FHIT: variants seen among roughly 807,000 people sequenced by gnomAD.
FHIT encodes the protein fragile histidine triad diadenosine triphosphatase, also known as bis(5'-adenosyl)-triphosphatase.
A neutral mutation model predicts 17.9 loss-of-function variants in FHIT; 19 were observed. The observed-to-expected ratio is 1.06, with a 90% CI of 0.74 to 1.56. The LOEUF (loss-of-function observed/expected upper bound fraction) is 1.56. Ranked by LOEUF, FHIT falls within the 40% of genes most tolerant of loss-of-function variation. The pLI, the probability that FHIT is intolerant of heterozygous loss-of-function variation, is 0.00. For synonymous variants in FHIT, 81 were observed against 69.7 expected, an observed-to-expected ratio of 1.16 and a Z score of -0.81; for missense variants, 248 against 189.2, an observed-to-expected ratio of 1.31 and a Z score of -1.82.
At chr3:60,764,247 G>GCACACA (rs58044669) in intron 4 of FHIT, among the ~76,000 whole-genome samples, 4 of 149,846 alleles carry the variant, frequency 2.7e-5, no homozygotes, top group Admixed American at 2.0e-4. Context: ...GTAGGAAAAT[G>GCACACA]CACACACACA....
At chr3:59,952,705 C>A (rs1707180518) in intron 7 of FHIT, among the ~76,000 whole-genome samples, 1 of 152,216 alleles carries the variant, frequency 6.6e-6, no homozygotes, top group Admixed American at 6.5e-5. Flanking sequence ...CAACCTTCAA[C>A]AAATCTGAAA....
rs922294381 is a variant in FHIT, at chr3:60,487,503, G to A, written c.103+49357C>T. ...TACGACACCTGGAAGGCTCATCTCC[G>A]AAGTCACATTCTTTCAAGATGGTTT... On this transcript the variant is annotated intron_variant, in intron 5 of 9. Transcript: ENST00000492590. Among the ~76,000 whole-genome samples the A allele has an allele frequency of 5.9e-5, 9 of 152,274 alleles. No homozygotes were observed. In the East Asian group the frequency reaches 1.4e-3, roughly 23 times the overall value.
intron 2 of FHIT, among the ~76,000 whole-genome samples, chr3:61,112,601 C>A (rs1159497425): frequency 1.3e-5 from 2 of 152,300 alleles, no homozygotes; most frequent in East Asian, 3.9e-4. Context: ...GATTTGCAAG[C>A]AGTTCCTAAT....
intron 5 of FHIT, among the ~76,000 whole-genome samples, chr3:60,125,755 A>G (rs1705517511): frequency 6.6e-6 from 1 of 151,910 alleles, no homozygotes; most frequent in African/African-American, 2.4e-5. Context: ...GAGTAGAGAC[A>G]CTCGGGAGGA....
intron 7 of FHIT, among the ~76,000 whole-genome samples, chr3:59,937,133 T>C (rs1475840984): frequency 1.6e-4 from 24 of 152,230 alleles, no homozygotes; most frequent in Admixed American, 1.6e-3. Context: ...GAAAATTACT[T>C]ACATAATTTT....
intron 8 of FHIT, among the ~76,000 whole-genome samples, chr3:59,908,341 C>T (rs965803473): frequency 6.6e-6 from 1 of 152,196 alleles, no homozygotes; most frequent in Non-Finnish European, 1.5e-5. Flanking sequence ...TCCTGCAGGT[C>T]TTAGCAAAGT....
chr3:60,379,780 T>A (rs910247168), intron 5 of FHIT, among the ~76,000 whole-genome samples: 1 of 152,180 alleles, frequency 6.6e-6, no homozygotes, highest in Non-Finnish European at 1.5e-5. Context: ...ACACCTGGTA[T>A]AGGAAACTCT....
intron 3 of FHIT, among the ~76,000 whole-genome samples, chr3:60,831,857 C>T (rs1267014931): frequency 2.0e-5 from 3 of 151,898 alleles, no homozygotes; most frequent in Non-Finnish European, 2.9e-5. Flanking sequence ...CAGAAACCTC[C>T]TAGGATGATC....
At chr3:59,940,455 T>C (rs1706458519) in intron 7 of FHIT, among the ~76,000 whole-genome samples, 1 of 152,170 alleles carries the variant, frequency 6.6e-6, no homozygotes, top group Admixed American at 6.6e-5. Flanking sequence ...AAAACTAATG[T>C]GGAGTCAATA....
At chr3:59,931,647 C>T (rs750645646) in intron 7 of FHIT, among the ~76,000 whole-genome samples, 4 of 151,000 alleles carry the variant, frequency 2.6e-5, no homozygotes, top group Admixed American at 1.3e-4. Context: ...TGGGAAACTT[C>T]GAGGAAAAAA....
chr3:59,980,282 G>C (rs1475155409), intron 7 of FHIT, among the ~76,000 whole-genome samples: 2 of 152,166 alleles, frequency 1.3e-5, no homozygotes, highest in Admixed American at 6.5e-5. Flanking sequence ...CTTCAGGCCA[G>C]AGGAAGGTGG....
chr3:60,653,858 T>C (rs1451918559), intron 4 of FHIT, among the ~76,000 whole-genome samples: 1 of 152,144 alleles, frequency 6.6e-6, no homozygotes, highest in East Asian at 1.9e-4. Context: ...TTACCTCCCA[T>C]TCACCCTGAT....
chr3:60,900,398 T>C (rs1706058006), intron 3 of FHIT, among the ~76,000 whole-genome samples: 1 of 151,636 alleles, frequency 6.6e-6, no homozygotes, highest in African/African-American at 2.4e-5. Flanking sequence ...GAATAGTCAC[T>C]GTACTCCAGT....
At chr3:60,836,938 T>C (rs1702561547) in intron 3 of FHIT, among the ~76,000 whole-genome samples, 1 of 152,188 alleles carries the variant, frequency 6.6e-6, no homozygotes, top group Admixed American at 6.5e-5. Context: ...TACTTCCCCT[T>C]TATTCCTGAG....
chr3:60,767,085 G>A (rs13098348), intron 4 of FHIT, among the ~76,000 whole-genome samples: 59,528 of 151,966 alleles, frequency 0.39, 11,972 homozygotes, highest in Non-Finnish European at 0.42. Flanking sequence ...CAAAACTTAC[G>A]TCTTGAATTG....
chr3:59,945,061 C>T lies in FHIT; in HGVS notation c.280-22647G>A, dbSNP rs540330402. Among the ~76,000 whole-genome samples, 4 of 152,218 alleles carry T rather than the reference C, an allele frequency of 2.6e-5. No homozygotes were observed. In the South Asian group the frequency reaches 8.3e-4, roughly 32 times the overall value. ...TATACTCAGCACTGGGATTGCTGGG[C>T]TGAATAGTAGTTCTGTATTAAGTTG... On this transcript the variant is annotated intron_variant, in intron 7 of 9. Transcript: ENST00000492590.
chr3:60,475,224 G>T (rs186343426), intron 5 of FHIT, among the ~76,000 whole-genome samples: 23 of 152,162 alleles, frequency 1.5e-4, no homozygotes, highest in South Asian at 4.2e-4. Context: ...TATAAAGTAG[G>T]TATCTTGAGA....
At chr3:60,456,311 G>A (rs926808069) in intron 5 of FHIT, among the ~76,000 whole-genome samples, 2 of 152,180 alleles carry the variant, frequency 1.3e-5, no homozygotes, top group East Asian at 3.8e-4. Context: ...CTTCACTGAT[G>A]CTAAAGAACA....
intron 5 of FHIT, among the ~76,000 whole-genome samples, chr3:60,201,885 T>C (rs213302): frequency 0.32 from 48,716 of 151,742 alleles, 9,653 homozygotes; most frequent in Middle Eastern, 0.45. Context: ...AAATTCTTGA[T>C]TGAATTTTGT....
Sources: gnomAD v4.1 joint callset for allele counts (sites outside exome capture counted in the v4.1 genomes callset) on GRCh38, gnomAD v4.1.1 for gene constraint, MANE v1.5 for transcripts, NCBI Gene and HGNC (gene_info 2026-07-23, HGNC 2026-07-21) for gene names.